The following PTPRD variants were observed in gnomAD, a reference collection of about 807,000 sequenced individuals.
The protein encoded by PTPRD is receptor-type tyrosine-protein phosphatase delta.
In PTPRD, 34 loss-of-function variants were observed where a neutral mutation model predicts 214.5. The observed-to-expected ratio is 0.16, with a 90% CI of 0.12 to 0.21. PTPRD has a LOEUF of 0.21. Among genes scored for constraint, PTPRD ranks in the 10% least tolerant of loss-of-function variants. The pLI is 1.00. For missense variants in PTPRD, 2,545 were observed against 2,398.7 expected (o/e 1.06, Z -1.27); for synonymous variants, 1,128 against 845.7 (o/e 1.33, Z -5.79).
chr9:8,856,521 CTG>C (rs2097918363), intron 11 of PTPRD, among the ~76,000 whole-genome samples: 1 of 151,978 alleles, frequency 6.6e-6, no homozygotes, highest in South Asian at 2.1e-4. Context: ...GTCACTGGCA[CTG>C]TGTCTTTGCA....
At chr9:9,488,985 T>C (rs903936222) in intron 8 of PTPRD, among the ~76,000 whole-genome samples, 3 of 152,184 alleles carry the variant, frequency 2.0e-5, no homozygotes, top group African/African-American at 4.8e-5. Context: ...GAGGCCATTA[T>C]TGTTGCACTA....
intron 10 of PTPRD, among the ~76,000 whole-genome samples, chr9:9,149,941 C>T (rs994839704): frequency 2.0e-5 from 3 of 152,144 alleles, no homozygotes; most frequent in Non-Finnish European, 2.9e-5. Context: ...AAAAAGTAAA[C>T]TCTGGTGAAA....
intron 2 of PTPRD, among the ~76,000 whole-genome samples, chr9:10,473,816 A>G (rs139899860): frequency 1.3e-5 from 2 of 152,224 alleles, no homozygotes; most frequent in East Asian, 1.9e-4. Flanking sequence ...ATCATTATAA[A>G]TTATTGCCCC....
At chr9:10,585,080 G>A in intron 2 of PTPRD, among the ~76,000 whole-genome samples, 1 of 151,912 alleles carries the variant, frequency 6.6e-6, no homozygotes, top group East Asian at 1.9e-4. Flanking sequence ...TAAATAAATT[G>A]TGAAATAGGC....
intron 2 of PTPRD, among the ~76,000 whole-genome samples, chr9:10,459,026 T>C (rs2098938341): frequency 6.6e-6 from 1 of 152,134 alleles, no homozygotes; most frequent in African/African-American, 2.4e-5. Context: ...ATTAGGTATT[T>C]CTCCTAATGC....
At chr9:9,633,573 T>A (rs2095661088) in intron 7 of PTPRD, among the ~76,000 whole-genome samples, 1 of 152,174 alleles carries the variant, frequency 6.6e-6, no homozygotes, top group African/African-American at 2.4e-5. Context: ...GGAGTCTGAT[T>A]CTCTCTCAGT....
chr9:8,688,951 C>T (rs1024602315), intron 12 of PTPRD, among the ~76,000 whole-genome samples: 16 of 152,146 alleles, frequency 1.1e-4, no homozygotes, highest in African/African-American at 3.9e-4. Context: ...CACATGAATG[C>T]ATTTGAAGAA....
intron 11 of PTPRD, among the ~76,000 whole-genome samples, chr9:9,016,958 T>C (rs1308420297): frequency 6.6e-6 from 1 of 152,008 alleles, no homozygotes; most frequent in Admixed American, 6.6e-5. Context: ...GGATTTAGAG[T>C]CAATGGGCGT....
intron 12 of PTPRD, among the ~76,000 whole-genome samples, chr9:8,719,947 T>C (rs1366859541): frequency 6.6e-6 from 1 of 152,246 alleles, no homozygotes; most frequent in Non-Finnish European, 1.5e-5. Flanking sequence ...AGGTCTAAGA[T>C]TGTTCCTCAA....
intron 10 of PTPRD, among the ~76,000 whole-genome samples, chr9:9,106,051 A>G (rs1039516631): frequency 6.6e-6 from 1 of 152,244 alleles, no homozygotes; most frequent in Admixed American, 6.5e-5. Context: ...TGGCTGAGAT[A>G]CCTGGAAGAA....
chr9:9,516,790 C>A (rs2096849527), intron 8 of PTPRD, among the ~76,000 whole-genome samples: 1 of 152,018 alleles, frequency 6.6e-6, no homozygotes, highest in Non-Finnish European at 1.5e-5. Flanking sequence ...CCCTCCTCAG[C>A]CTCCCAAAGT....
chr9:10,092,024 C>T (rs189070651), intron 3 of PTPRD, among the ~76,000 whole-genome samples: 351 of 151,436 alleles, frequency 2.3e-3, no homozygotes, highest in African/African-American at 7.8e-3. Context: ...CTACACTTGA[C>T]TCCTGTCCAC....
intron 9 of PTPRD, among the ~76,000 whole-genome samples, chr9:9,207,718 A>C (rs1417989190): frequency 1.3e-5 from 2 of 152,176 alleles, no homozygotes; most frequent in Non-Finnish European, 2.9e-5. Context: ...GTATTGCAAC[A>C]ATATGCTCGC....
intron 2 of PTPRD, among the ~76,000 whole-genome samples, chr9:10,430,402 GA>G (rs2098666611): frequency 6.6e-6 from 1 of 151,830 alleles, no homozygotes; most frequent in Non-Finnish European, 1.5e-5. Context: ...TTACGCGTGT[GA>G]GTATGCCTCT....
intron 3 of PTPRD, among the ~76,000 whole-genome samples, chr9:10,111,529 C>T (rs1469855390): frequency 6.6e-6 from 1 of 152,042 alleles, no homozygotes; most frequent in East Asian, 1.9e-4. Flanking sequence ...TGAGCCACCG[C>T]GCCCGGCCCC....
At chr9:10,417,179 G>A (rs2098499318) in intron 2 of PTPRD, among the ~76,000 whole-genome samples, 1 of 151,778 alleles carries the variant, frequency 6.6e-6, no homozygotes, top group African/African-American at 2.4e-5. Context: ...TCCTAGGAAG[G>A]GATGATATTG....
chr9:9,043,078 C>T (rs1448831567), intron 10 of PTPRD, among the ~76,000 whole-genome samples: 2 of 152,174 alleles, frequency 1.3e-5, no homozygotes, highest in African/African-American at 2.4e-5. Flanking sequence ...ATACCATGAA[C>T]TCCCAATAAA....
intron 3 of PTPRD, among the ~76,000 whole-genome samples, chr9:10,315,486 A>T (rs2096397322): frequency 6.6e-6 from 1 of 151,942 alleles, no homozygotes; most frequent in Non-Finnish European, 1.5e-5. Context: ...TTAGATTATT[A>T]ATTGGGGGTT....
At chr9:8,540,478 G>A (rs1019086486) in intron 14 of PTPRD, among the ~76,000 whole-genome samples, 15 of 151,940 alleles carry the variant, frequency 9.9e-5, no homozygotes, top group African/African-American at 3.6e-4. Flanking sequence ...CAAGAGCAAG[G>A]TGCAAGCTCA....
Sources: allele counts gnomAD v4.1 joint callset (sites outside exome capture counted in the v4.1 genomes callset), GRCh38; gene constraint gnomAD v4.1.1; transcripts MANE v1.5; gene names NCBI Gene and HGNC (gene_info 2026-07-23, HGNC 2026-07-21).